CTNNA3: variants seen among roughly 807,000 people sequenced by gnomAD.
CTNNA3 encodes catenin alpha-3.
CTNNA3 carries 76 observed loss-of-function variants against 95.7 expected under a neutral mutation model. That is an observed-to-expected ratio of 0.79 (90% CI 0.66 to 0.96). The LOEUF is 0.96. CTNNA3 is among the 40% of genes least tolerant of loss of function. The probability of loss-of-function intolerance (pLI) is 0.00; values close to 1 mark genes in which losing one functional copy is unlikely to be tolerated. For synonymous variants in CTNNA3, 431 were observed against 374.4 expected (o/e 1.15, Z -1.74); for missense variants, 1,191 against 1,089.8 (o/e 1.09, Z -1.31).
chr10:67,245,413 GTGGAA>G (rs1369749369), intron 5 of CTNNA3, among the ~76,000 whole-genome samples: 5 of 152,024 alleles, frequency 3.3e-5, no homozygotes, highest in Non-Finnish European at 7.4e-5. Flanking sequence ...GTCTTCTCCA[GTGGAA>G]CGTAAGCTCC....
chr10:67,171,498 T>C (rs915926956), intron 7 of CTNNA3, among the ~76,000 whole-genome samples: 1 of 151,414 alleles, frequency 6.6e-6, no homozygotes, highest in African/African-American at 2.4e-5. Flanking sequence ...TGCTTGAACC[T>C]GGGAGTCAGA....
intron 7 of CTNNA3, among the ~76,000 whole-genome samples, chr10:66,780,227 A>ACAAT (rs1564678232): frequency 6.6e-6 from 1 of 152,288 alleles, no homozygotes; most frequent in East Asian, 1.9e-4. Context: ...AATGAATGAT[A>ACAAT]CAATCAGTCC....
intron 5 of CTNNA3, among the ~76,000 whole-genome samples, chr10:67,419,257 A>C (rs1288688421): frequency 6.6e-6 from 1 of 152,196 alleles, no homozygotes; most frequent in Non-Finnish European, 1.5e-5. Flanking sequence ...TAAATCTTAA[A>C]CAAATTATAT....
intron 5 of CTNNA3, among the ~76,000 whole-genome samples, chr10:67,393,183 G>A (rs955580204): frequency 6.6e-6 from 1 of 152,066 alleles, no homozygotes; most frequent in African/African-American, 2.4e-5. Flanking sequence ...AGAAACTGCT[G>A]AATTCAAAAT....
intron 3 of CTNNA3, among the ~76,000 whole-genome samples, chr10:67,552,904 T>A (rs1326424403): frequency 6.6e-6 from 1 of 152,162 alleles, no homozygotes; most frequent in Admixed American, 6.6e-5. Context: ...ATTTTCTTCA[T>A]CCAGTCTGTC....
intron 7 of CTNNA3, among the ~76,000 whole-genome samples, chr10:66,983,458 C>T (rs1850561157): frequency 6.6e-6 from 1 of 151,154 alleles, no homozygotes; most frequent in South Asian, 2.1e-4. Flanking sequence ...GAACAAGAAA[C>T]CCACCTAACC....
At chr10:66,564,728 G>A (rs1402297192) in intron 10 of CTNNA3, among the ~76,000 whole-genome samples, 3 of 152,162 alleles carry the variant, frequency 2.0e-5, no homozygotes, top group South Asian at 2.1e-4. Context: ...GACATAAAAG[G>A]TGAGGAAGGG....
At chr10:67,573,978 T>C (rs912744288) in intron 3 of CTNNA3, among the ~76,000 whole-genome samples, 13 of 152,224 alleles carry the variant, frequency 8.5e-5, no homozygotes, top group South Asian at 4.1e-4. Context: ...AGAGAGTACA[T>C]GTGGAATGGT....
At chr10:66,360,690 CCT>C (rs1214218645) in intron 12 of CTNNA3, among the ~76,000 whole-genome samples, 3 of 43,450 alleles carry the variant, frequency 6.9e-5, no homozygotes, top group Admixed American at 3.4e-4. Flanking sequence ...TTCCTTCCTT[CCT>C]TTTCTTTCTT....
intron 4 of CTNNA3, among the ~76,000 whole-genome samples, chr10:67,533,622 G>T (rs1008692573): frequency 2.0e-5 from 3 of 151,984 alleles, no homozygotes; most frequent in African/African-American, 4.8e-5. Flanking sequence ...AACTAGACAC[G>T]TTTAAAAGTG....
At chr10:66,260,801 T>A (rs1328782977) in intron 13 of CTNNA3, among the ~76,000 whole-genome samples, 1 of 152,102 alleles carries the variant, frequency 6.6e-6, no homozygotes, top group Non-Finnish European at 1.5e-5. Flanking sequence ...ATTTTAAGGA[T>A]AGCTCATATA....
At chr10:67,540,557 AT>A (rs754841781) in intron 3 of CTNNA3, among the ~76,000 whole-genome samples, 26 of 151,998 alleles carry the variant, frequency 1.7e-4, no homozygotes, top group Non-Finnish European at 3.5e-4. Flanking sequence ...TGAATGTATG[AT>A]TTATGTGTAT....
At chr10:67,331,129 G>A (rs567191146) in intron 5 of CTNNA3, among the ~76,000 whole-genome samples, 15 of 152,186 alleles carry the variant, frequency 9.9e-5, no homozygotes, top group African/African-American at 3.6e-4. Flanking sequence ...AATAAATTGG[G>A]AATACAGAAA....
At chr10:66,437,740 C>T (rs552536572) in intron 11 of CTNNA3, among the ~76,000 whole-genome samples, 80 of 152,190 alleles carry the variant, frequency 5.3e-4, no homozygotes, top group African/African-American at 1.8e-3. Context: ...ATTTTGTTCC[C>T]TTGCTGGCGA....
At chr10:66,759,773 C>G (rs1839530218) in intron 9 of CTNNA3, among the ~76,000 whole-genome samples, 1 of 152,070 alleles carries the variant, frequency 6.6e-6, no homozygotes, top group Non-Finnish European at 1.5e-5. Context: ...AAATACATCC[C>G]AAATTTTAAG....
intron 5 of CTNNA3, among the ~76,000 whole-genome samples, chr10:67,513,435 G>A (rs1320802200): frequency 6.6e-6 from 1 of 152,212 alleles, no homozygotes; most frequent in Non-Finnish European, 1.5e-5. Context: ...AAGTGGAAAT[G>A]TAGAGTGGCT....
At chr10:67,087,104 T>C (rs1188571885) in intron 7 of CTNNA3, among the ~76,000 whole-genome samples, 1 of 152,092 alleles carries the variant, frequency 6.6e-6, no homozygotes, top group African/African-American at 2.4e-5. Flanking sequence ...TCACTTTACC[T>C]GGCAATAGTA....
chr10:66,210,825 C>A (rs965934455), intron 13 of CTNNA3, among the ~76,000 whole-genome samples: 4 of 152,130 alleles, frequency 2.6e-5, no homozygotes, highest in Admixed American at 1.3e-4. Flanking sequence ...GTGTTTAGAA[C>A]GTGATCTACT....
At chr10:67,387,175 C>G (rs1379701709) in intron 5 of CTNNA3, among the ~76,000 whole-genome samples, 1 of 152,156 alleles carries the variant, frequency 6.6e-6, no homozygotes, top group Admixed American at 6.5e-5. Flanking sequence ...GAGTGCCAGA[C>G]AGTGGGCGCA....
Sources: gnomAD v4.1 joint callset for allele counts (sites outside exome capture counted in the v4.1 genomes callset) on GRCh38, gnomAD v4.1.1 for gene constraint, MANE v1.5 for transcripts, NCBI Gene and HGNC (gene_info 2026-07-23, HGNC 2026-07-21) for gene names.